Variants in LRRTM4 observed in about 807,000 individuals in gnomAD.
LRRTM4 encodes the protein leucine-rich repeat transmembrane neuronal protein 4.
In LRRTM4, 25 loss-of-function variants were observed where a neutral mutation model predicts 47.6. The ratio of observed to expected loss-of-function variants is 0.53; its 90% CI spans 0.38 to 0.73. The LOEUF (loss-of-function observed/expected upper bound fraction) is 0.73, where lower values mean the gene tolerates loss of function less well. Ranked by LOEUF, LRRTM4 falls within the 30% of genes least tolerant of loss-of-function variation. The pLI, the probability that LRRTM4 is intolerant of heterozygous loss-of-function variation, is 0.00. For missense variants in LRRTM4, 638 were observed against 713.4 expected (o/e 0.89, Z 1.20); for synonymous variants, 311 against 269.5 (o/e 1.15, Z -1.51).
intron 3 of LRRTM4, among the ~76,000 whole-genome samples, chr2:77,183,669 T>G (rs559229861): frequency 1.3e-5 from 2 of 152,120 alleles, no homozygotes; most frequent in Non-Finnish European, 2.9e-5. Context: ...TAGCAAAGAC[T>G]TGGAACCAAG....
At chr2:77,342,963 C>T (rs116375668) in intron 3 of LRRTM4, among the ~76,000 whole-genome samples, 2,088 of 152,038 alleles carry the variant, frequency 0.014, 21 homozygotes, top group Middle Eastern at 0.02. Flanking sequence ...CATAATGATA[C>T]TCTTTAGCTT....
intron 3 of LRRTM4, among the ~76,000 whole-genome samples, chr2:77,489,394 T>TA (rs1162183150): frequency 6.6e-6 from 1 of 152,200 alleles, no homozygotes; most frequent in Admixed American, 6.5e-5. Flanking sequence ...ATATTCAAAA[T>TA]ATTTAAACAA....
intron 3 of LRRTM4, among the ~76,000 whole-genome samples, chr2:77,224,137 T>C (rs1203266351): frequency 6.6e-6 from 1 of 151,486 alleles, no homozygotes; most frequent in Non-Finnish European, 1.5e-5. Context: ...TAAATGGTGC[T>C]GGGAAAACTG....
chr2:76,851,008 G>A (rs1336718832), intron 3 of LRRTM4, among the ~76,000 whole-genome samples: 1 of 152,146 alleles, frequency 6.6e-6, no homozygotes, highest in Non-Finnish European at 1.5e-5. Flanking sequence ...ATTGATTTTG[G>A]CTAAGTAGGA....
chr2:77,368,091 C>A (rs1553435193), intron 3 of LRRTM4, among the ~76,000 whole-genome samples: 1 of 151,520 alleles, frequency 6.6e-6, no homozygotes, highest in Non-Finnish European at 1.5e-5. Flanking sequence ...GATTTGCCTT[C>A]TAATCTGTAT....
chr2:76,910,925 T>C (rs1161438430), intron 3 of LRRTM4, among the ~76,000 whole-genome samples: 1 of 152,222 alleles, frequency 6.6e-6, no homozygotes, highest in African/African-American at 2.4e-5. Context: ...ATGTGCTTAA[T>C]GGTACTGAGA....
intron 3 of LRRTM4, among the ~76,000 whole-genome samples, chr2:76,783,883 T>C (rs1341153455): frequency 6.6e-6 from 1 of 152,138 alleles, no homozygotes; most frequent in African/African-American, 2.4e-5. Flanking sequence ...AGAATGTGTA[T>C]GATTTGACAG....
intron 3 of LRRTM4, among the ~76,000 whole-genome samples, chr2:77,291,602 C>G (rs948506258): frequency 6.6e-6 from 1 of 151,912 alleles, no homozygotes; most frequent in African/African-American, 2.4e-5. Flanking sequence ...TAAGAGAAAA[C>G]TGAAAATCTT....
intron 3 of LRRTM4, among the ~76,000 whole-genome samples, chr2:76,827,624 C>T (rs1193029085): frequency 1.3e-5 from 2 of 151,812 alleles, no homozygotes; most frequent in African/African-American, 4.8e-5. Context: ...GACCAAACTT[C>T]AGGTTCATGT....
chr2:76,803,293 A>G (rs1051635591), intron 3 of LRRTM4, among the ~76,000 whole-genome samples: 2 of 152,180 alleles, frequency 1.3e-5, no homozygotes, highest in Non-Finnish European at 2.9e-5. Flanking sequence ...AAAGAATCTG[A>G]ATAGACATTT....
At chr2:76,832,164 TTTATTTTATC>T (rs1465715182) in intron 3 of LRRTM4, among the ~76,000 whole-genome samples, 4 of 151,994 alleles carry the variant, frequency 2.6e-5, no homozygotes, top group African/African-American at 9.6e-5. Flanking sequence ...ATGTCTGTAT[TTTATTTTATC>T]TTATTTGCCT....
Position 77,469,693 on chromosome 2 carries a change from T to C in LRRTM4, c.1551+48625A>G, listed in dbSNP as rs534750660. Among the ~76,000 whole-genome samples the C allele has an allele frequency of 1.1e-4, 17 of 151,812 alleles. 1 individual carries two copies. In the East Asian group the frequency reaches 3.3e-3, roughly 29 times the overall value. ...CACTCTGGAAAGGAAGATGATTGAA[T>C]TTTTTTTATCTGTATAGCATATATA... On this transcript the variant is annotated intron_variant, in intron 3 of 3. Transcript: ENST00000409884.
intron 3 of LRRTM4, among the ~76,000 whole-genome samples, chr2:76,815,098 C>A (rs971888768): frequency 6.6e-6 from 1 of 151,236 alleles, no homozygotes; most frequent in Non-Finnish European, 1.5e-5. Context: ...AAACACAGGA[C>A]AATTGTATCT....
intron 3 of LRRTM4, among the ~76,000 whole-genome samples, chr2:77,332,817 G>A (rs1671019067): frequency 6.6e-6 from 1 of 152,088 alleles, no homozygotes; most frequent in Non-Finnish European, 1.5e-5. Context: ...TGTCACAATT[G>A]TAGGTATTCA....
At chr2:76,817,542 G>T (rs978154030) in intron 3 of LRRTM4, among the ~76,000 whole-genome samples, 2 of 151,902 alleles carry the variant, frequency 1.3e-5, no homozygotes, top group East Asian at 1.9e-4. Flanking sequence ...GCTTCAGAAA[G>T]ATTAGGAAAC....
At chr2:76,764,827 C>G (rs909529169) in intron 3 of LRRTM4, among the ~76,000 whole-genome samples, 1 of 152,122 alleles carries the variant, frequency 6.6e-6, no homozygotes, top group African/African-American at 2.4e-5. Flanking sequence ...GGAAGGATGA[C>G]CCAAAGGCTC....
chr2:76,906,221 C>A (rs889487842), intron 3 of LRRTM4, among the ~76,000 whole-genome samples: 1 of 151,912 alleles, frequency 6.6e-6, no homozygotes, highest in Non-Finnish European at 1.5e-5. Flanking sequence ...AATTTTCAAC[C>A]CAGAATTTCA....
intron 3 of LRRTM4, among the ~76,000 whole-genome samples, chr2:76,826,895 C>T (rs1049236915): frequency 6.6e-6 from 1 of 151,828 alleles, no homozygotes; most frequent in Admixed American, 6.6e-5. Context: ...TGGAGGGAAA[C>T]TCATCACAAT....
At chr2:76,835,681 T>G (rs558372193) in intron 3 of LRRTM4, among the ~76,000 whole-genome samples, 1 of 152,200 alleles carries the variant, frequency 6.6e-6, no homozygotes, top group African/African-American at 2.4e-5. Context: ...GTTTGGTAAC[T>G]TGACTATTTG....
Sources: allele counts gnomAD v4.1 joint callset (sites outside exome capture counted in the v4.1 genomes callset), GRCh38; gene constraint gnomAD v4.1.1; transcripts MANE v1.5; gene names NCBI Gene and HGNC (gene_info 2026-07-23, HGNC 2026-07-21).